The following PRKD3 variants were observed in gnomAD, a reference collection of about 807,000 sequenced individuals.
The protein encoded by PRKD3 is protein kinase D3.
In PRKD3, 47 loss-of-function variants were observed where a neutral mutation model predicts 99.2. The ratio of observed to expected loss-of-function variants is 0.47; its 90% CI spans 0.38 to 0.60. PRKD3 has a LOEUF of 0.60. Ranked by LOEUF, PRKD3 falls within the 20% of genes least tolerant of loss-of-function variation. PRKD3 has a pLI of 0.00. For synonymous variants in PRKD3, 392 were observed against 355.4 expected (o/e 1.10, Z -1.16); for missense variants, 1,019 against 1,088.4 (o/e 0.94, Z 0.90).
rs1026369972 is a variant in PRKD3 at position 37,301,444 on chromosome 2, A to AT, written c.289-8174dup. On this transcript the variant is annotated intron_variant, in intron 2 of 18. Coordinates refer to ENST00000234179, the MANE Select transcript of PRKD3 (RefSeq NM_005813.6). ...CTAATTAAAACCAATTCTGGATTACATTTTTTTTTTTTGAGTGGGGGTCTC... is the reference window on the plus strand; with the variant it reads ...CTAATTAAAACCAATTCTGGATTACATTTTTTTTTTTTTGAGTGGGGGTCTC... Among the ~76,000 whole-genome samples, 904 of 145,606 alleles carry AT rather than the reference A, an allele frequency of 6.2e-3. 8 individuals are homozygous for AT. Among genetic ancestry groups the AT allele is most frequent in the African/African-American group, 0.018 (715 of 39,958 alleles).
intron 15 of PRKD3, among the ~76,000 whole-genome samples, chr2:37,259,998 C>T (rs933097125): frequency 7.2e-5 from 11 of 152,026 alleles, no homozygotes; most frequent in Non-Finnish European, 1.5e-4. Context: ...AACCCCAGCT[C>T]TACTAAAAAT....
chr2:37,257,034 TCTA>T (rs1488483740), intron 16 of PRKD3, 105 bp from the exon 17 acceptor site: 53 of 1,225,326 alleles, frequency 4.3e-5, no homozygotes, highest in Non-Finnish European at 5.7e-5. Context: ...ACTTGCCAGC[TCTA>T]CTGATTATGA....
intron 10 of PRKD3, among the ~76,000 whole-genome samples, chr2:37,275,268 A>C (rs1425661236): frequency 6.6e-6 from 1 of 152,086 alleles, no homozygotes; most frequent in Non-Finnish European, 1.5e-5. Flanking sequence ...ATTCTCTCTT[A>C]CTGACCTAAC....
At chr2:37,299,719 AG>A (rs1670838235) in intron 2 of PRKD3, among the ~76,000 whole-genome samples, 1 of 152,304 alleles carries the variant, frequency 6.6e-6, no homozygotes, top group African/African-American at 2.4e-5. Flanking sequence ...TTAAAAAATA[AG>A]CAAAAGATCT....
At chr2:37,280,864 T>G (rs984844409) in intron 7 of PRKD3, among the ~76,000 whole-genome samples, 2 of 152,156 alleles carry the variant, frequency 1.3e-5, no homozygotes, top group Non-Finnish European at 2.9e-5. Context: ...ATATGCCAGA[T>G]AAGGGACTAG....
rs1672010366 is a variant in PRKD3, at chr2:37,324,175, T to C, written c.-656+506A>G. ...GGGATACTGGGGCGAGGGGCTTACA[T>C]TCTCCAAGCACCATTTACTCACCCC... On this transcript the variant is annotated intron_variant, in intron 1 of 18. Coordinates refer to ENST00000234179, the MANE Select transcript of PRKD3 (RefSeq NM_005813.6). 9.1e-6 allele frequency: 9 copies of C among 985,176 alleles called. No individual in the cohort carries two copies. The South Asian group carries it at 4.2e-4, about 46-fold the overall frequency. 61.0% of individuals were successfully genotyped at this position (985,176 alleles called of 1,614,324 possible).
At chr2:37,276,793 TACACACAC>T (rs1297412607) in intron 9 of PRKD3, among the ~76,000 whole-genome samples, 4 of 149,128 alleles carry the variant, frequency 2.7e-5, no homozygotes, top group Non-Finnish European at 5.9e-5. Flanking sequence ...TATGTATATA[TACACACAC>T]ACACATACAC....
chr2:37,289,554 A>C lies in PRKD3; in HGVS notation c.560-41T>G, dbSNP rs755705388. 43 of 1,495,112 alleles carry C rather than the reference A, an allele frequency of 2.9e-5. No homozygotes were observed. In the South Asian group the frequency reaches 5.4e-4, roughly 19 times the overall value. 92.6% of individuals were successfully genotyped at this position (1,495,112 alleles called of 1,614,324 possible). A position where few individuals can be genotyped will look rare whatever the true frequency, so the allele number is the denominator to read the frequency against. On this transcript the variant is annotated intron_variant, in intron 4 of 18. Coordinates refer to ENST00000234179, the MANE Select transcript of PRKD3 (RefSeq NM_005813.6). ...AAGGTAAAATATAAGATTTAAAAAA[A>C]AATTTACTATTTAAGTGTGATACAT...
chr2:37,277,331 ATAGTAAGT>A (rs1307565667), intron 9 of PRKD3, among the ~76,000 whole-genome samples: 2 of 152,182 alleles, frequency 1.3e-5, no homozygotes, highest in Admixed American at 1.3e-4. Context: ...ATATAGTTTT[ATAGTAAGT>A]TACAGAGACT....
chr2:37,252,823 A>AAACG lies in PRKD3; in HGVS notation c.*353_*354insCGTT. The AAACG allele has an allele frequency of 8.3e-6, 1 of 120,850 alleles. No homozygotes were observed. The highest frequency in any genetic ancestry group is 3.3e-5 in the African/African-American group (1 of 30,354). 7.5% of individuals were successfully genotyped at this position (120,850 alleles called of 1,614,324 possible). A position where few individuals can be genotyped will look rare whatever the true frequency, so the allele number is the denominator to read the frequency against. ...TAGCTTGACTTGTTTTTCATTAAAAAAACAAACAAACATATATTTATATTT... is the reference window on the plus strand; with the variant it reads ...TAGCTTGACTTGTTTTTCATTAAAAAAACGAACAAACAAACATATATTTATATTT... On this transcript the variant is annotated 3_prime_UTR_variant, in exon 19 of 19. Coordinates refer to ENST00000234179, the MANE Select transcript of PRKD3 (RefSeq NM_005813.6).
intron 2 of PRKD3, among the ~76,000 whole-genome samples, chr2:37,308,911 C>G (rs1429010156): frequency 6.6e-6 from 1 of 151,696 alleles, no homozygotes; most frequent in East Asian, 1.9e-4. Context: ...TATTTATGTT[C>G]AGATAGTATA....
At chr2:37,279,531 A>AC (rs2148550710) in intron 8 of PRKD3, 2 of 346,538 alleles carry the variant, frequency 5.8e-6, no homozygotes, top group East Asian at 9.5e-5. Flanking sequence ...GAAAAAAAAA[A>AC]AACAAGGATT....
intron 2 of PRKD3, among the ~76,000 whole-genome samples, chr2:37,300,702 A>C: frequency 6.6e-6 from 1 of 152,238 alleles, no homozygotes; most frequent in East Asian, 1.9e-4. Flanking sequence ...AGAACTCGTC[A>C]TAAGCTAAAT....
At position 37,290,223 on chromosome 2, in the gene PRKD3, T is replaced by C. The variant is rs374176375; in HGVS notation, c.559+645A>G. ...GAACAAATTTGACAATTTAGTTGTA[T>C]GTAAGAGACAACTTTTTTTTTTTGA... On this transcript the variant is annotated intron_variant, in intron 4 of 18. Coordinates refer to ENST00000234179, the MANE Select transcript of PRKD3 (RefSeq NM_005813.6). 7.2e-5 allele frequency among the ~76,000 whole-genome samples: 11 copies of C among 152,312 alleles called. No individual in the cohort carries two copies. In the East Asian group the frequency reaches 1.9e-3, roughly 27 times the overall value.
At chr2:37,272,279 G>C (rs752025556) in intron 12 of PRKD3, 101 bp downstream of exon 12, 65 of 1,526,118 alleles carry the variant, frequency 4.3e-5, no homozygotes, top group Non-Finnish European at 4.8e-5. Context: ...GTCTAGCCTA[G>C]TACTTTGGGC....
intron 6 of PRKD3, 21 bp from the exon 7 acceptor site, chr2:37,282,640 A>T: frequency 1.3e-6 from 2 of 1,510,594 alleles, no homozygotes; most frequent in Non-Finnish European, 1.8e-6. Context: ...AATATTCAGC[A>T]TATTAATTTA....
intron 1 of PRKD3, among the ~76,000 whole-genome samples, chr2:37,321,399 C>T (rs1317026480): frequency 6.6e-6 from 1 of 152,028 alleles, no homozygotes; most frequent in Admixed American, 6.5e-5. Flanking sequence ...GAAACAAAGG[C>T]CCTGGAGGTG....
intron 5 of PRKD3, among the ~76,000 whole-genome samples, chr2:37,289,069 AAAAAAAAAATT>A (rs1670256127): frequency 8.3e-6 from 1 of 120,202 alleles, no homozygotes; most frequent in Admixed American, 9.5e-5. Flanking sequence ...AACAAAAATT[AAAAAAAAAATT>A]AAAAAAAAAA....
At chr2:37,307,095 C>A (rs1013816016) in intron 2 of PRKD3, among the ~76,000 whole-genome samples, 8 of 152,128 alleles carry the variant, frequency 5.3e-5, no homozygotes, top group African/African-American at 1.7e-4. Context: ...GCCCTCTATC[C>A]ACTAGATGCT....
Sources: allele counts gnomAD v4.1 joint callset (sites outside exome capture counted in the v4.1 genomes callset), GRCh38; gene constraint gnomAD v4.1.1; transcripts MANE v1.5; gene names NCBI Gene and HGNC (gene_info 2026-07-23, HGNC 2026-07-21).